The following RHAG variants were observed in gnomAD, a reference collection of about 807,000 sequenced individuals.
RHAG encodes Rh associated glycoprotein, also known as ammonium transporter Rh type A.
A neutral mutation model predicts 42.4 loss-of-function variants in RHAG; 25 were observed. The ratio of observed to expected loss-of-function variants is 0.59; its 90% CI spans 0.43 to 0.82. The LOEUF (loss-of-function observed/expected upper bound fraction) is 0.82. Ranked by LOEUF, RHAG falls within the 40% of genes least tolerant of loss-of-function variation. The pLI is 0.00. For missense variants in RHAG, 483 were observed against 504.6 expected (o/e 0.96, Z 0.41); for synonymous variants, 182 against 177.7 (o/e 1.02, Z -0.19).
In RHAG at chr6:49,634,689, G is replaced by A. The variant is rs547387743; in HGVS notation, c.157+1967C>T. ...CTTGAGAGAGTTGAAGATTGCTTAC[G>A]AGAATTGGTAGCTTAATAAATATTT... On this transcript the variant is annotated intron_variant, in intron 1 of 9. Coordinates refer to ENST00000371175, the MANE Select transcript of RHAG (RefSeq NM_000324.3). Among the ~76,000 whole-genome samples, 76 of 152,098 alleles carry A rather than the reference G, an allele frequency of 5.0e-4. 1 individual carries two copies. Among genetic ancestry groups the A allele is most frequent in the African/African-American group, 1.8e-3 (73 of 41,488 alleles).
At chr6:49,616,810 A>G (rs993647491) in intron 3 of RHAG, among the ~76,000 whole-genome samples, 3 of 152,162 alleles carry the variant, frequency 2.0e-5, no homozygotes, top group African/African-American at 4.8e-5. Flanking sequence ...AGCATATATG[A>G]TCTATCTAGC....
intron 1 of RHAG, among the ~76,000 whole-genome samples, chr6:49,619,652 G>A (rs1246308168): frequency 6.6e-6 from 1 of 152,162 alleles, no homozygotes; most frequent in Non-Finnish European, 1.5e-5. Context: ...TTTTCCACCT[G>A]AGGACAGACT....
intron 1 of RHAG, among the ~76,000 whole-genome samples, chr6:49,623,529 C>T (rs1204592183): frequency 6.6e-6 from 1 of 152,124 alleles, no homozygotes; most frequent in Non-Finnish European, 1.5e-5. Context: ...AATCTTCCAA[C>T]AGGTTTTAAG....
At chr6:49,610,945 A>G in intron 7 of RHAG, 79 bp downstream of exon 7, 1 of 1,576,954 alleles carries the variant, frequency 6.3e-7, no homozygotes, top group Non-Finnish European at 8.7e-7. Flanking sequence ...AACAGCTAAA[A>G]TGAAAACTCT....
rs1459337637 is a variant in RHAG, at chr6:49,617,933, T to G, written c.492+135A>C. The G allele has an allele frequency of 6.6e-6, 5 of 753,676 alleles. No homozygotes were observed. In the East Asian group the frequency reaches 1.1e-4, roughly 16 times the overall value. 46.7% of individuals were successfully genotyped at this position (753,676 alleles called of 1,614,324 possible). A position where few individuals can be genotyped will look rare whatever the true frequency, so the allele number is the denominator to read the frequency against. ...TAGTTTACAGTAGGCACTCAGTAAATGATGGTTATTGTTACTATTTGCTAC... is the reference window on the plus strand; with the variant it reads ...TAGTTTACAGTAGGCACTCAGTAAAGGATGGTTATTGTTACTATTTGCTAC... On this transcript the variant is annotated intron_variant, in intron 3 of 9. Transcript: ENST00000371175.
In RHAG at chr6:49,605,241, T is replaced by G. The variant is rs2127348782; in HGVS notation, c.*572A>C. On this transcript the variant is annotated 3_prime_UTR_variant, in exon 10 of 10. Coordinates refer to ENST00000371175, the MANE Select transcript of RHAG (RefSeq NM_000324.3). ...AAAATAGACTTTGATCAGATAGCAT[T>G]TGAGCTCGTTGCAAATAGTCAACAT... The G allele has an allele frequency of 6.4e-6, 1 of 156,080 alleles. No individual in the cohort carries two copies. Among genetic ancestry groups the G allele is most frequent in the South Asian group, 1.9e-4 (1 of 5,226 alleles). 9.7% of individuals were successfully genotyped at this position (156,080 alleles called of 1,614,324 possible).
At chr6:49,607,896 T>C (rs2127349562) in intron 7 of RHAG, among the ~76,000 whole-genome samples, 1 of 152,210 alleles carries the variant, frequency 6.6e-6, no homozygotes, top group Non-Finnish European at 1.5e-5. Context: ...AATAAAACAA[T>C]TGGAAAATAA....
Position 49,607,363 on chromosome 6 carries a change from T to C in RHAG, c.1068-143A>G, listed in dbSNP as rs191230006. 5.2e-4 allele frequency: 377 copies of C among 723,566 alleles called. 1 individual carries two copies. In the African/African-American group the frequency reaches 6.0e-3, roughly 12 times the overall value. The allele number at this position is 723,566 out of a possible 1,614,324, so 44.8% of individuals were successfully genotyped here. A position where few individuals can be genotyped will look rare whatever the true frequency, so the allele number is the denominator to read the frequency against. ...AGCAAATTAAGCATTTGTTACAATT[T>C]TTCTTTCATATTCTTATTTTCTTTG... On this transcript the variant is annotated intron_variant, in intron 7 of 9. Transcript: ENST00000371175.
At chr6:49,617,445 A>G (rs1223774089) in intron 3 of RHAG, among the ~76,000 whole-genome samples, 1 of 152,196 alleles carries the variant, frequency 6.6e-6, no homozygotes, top group Non-Finnish European at 1.5e-5. Flanking sequence ...ACTAGAGTGT[A>G]AGCTCTATAA....
chr6:49,635,051 A>T (rs1178257812), intron 1 of RHAG, among the ~76,000 whole-genome samples: 10 of 150,982 alleles, frequency 6.6e-5, no homozygotes, highest in Non-Finnish European at 1.3e-4. Context: ...ATATCCACTC[A>T]GCAAATTACA....
At chr6:49,628,235 C>T (rs552232736) in intron 1 of RHAG, among the ~76,000 whole-genome samples, 67 of 152,064 alleles carry the variant, frequency 4.4e-4, no homozygotes, top group African/African-American at 1.6e-3. Flanking sequence ...TAACTCACTA[C>T]AGCCTTGACC....
intron 1 of RHAG, among the ~76,000 whole-genome samples, chr6:49,624,612 G>C (rs1762814164): frequency 6.6e-6 from 1 of 152,182 alleles, no homozygotes; most frequent in African/African-American, 2.4e-5. Flanking sequence ...TGTGTCTTTG[G>C]ATAACCAGTG....
chr6:49,635,967 G>A (rs980987296), intron 1 of RHAG, among the ~76,000 whole-genome samples: 3 of 152,040 alleles, frequency 2.0e-5, no homozygotes, highest in Non-Finnish European at 4.4e-5. Context: ...TTTATAATAA[G>A]GACGCAGTAA....
chr6:49,612,342 T>C (rs1031421545), intron 6 of RHAG, 55 bp downstream of exon 6: 1 of 1,574,430 alleles, frequency 6.4e-7, no homozygotes, highest in Non-Finnish European at 8.7e-7. Flanking sequence ...TGGTGGGACA[T>C]GTGAGAAAAA....
At chr6:49,614,541 ATGT>A (rs1331904017) in intron 5 of RHAG, 143 bp downstream of exon 5, 11 of 808,254 alleles carry the variant, frequency 1.4e-5, no homozygotes, top group East Asian at 4.9e-5. Flanking sequence ...TAATGAATAA[ATGT>A]TGTTGTTTTT....
At chr6:49,611,345 C>T (rs1562012772) in intron 6 of RHAG, among the ~76,000 whole-genome samples, 200 bp from the exon 7 acceptor site, 3 of 152,246 alleles carry the variant, frequency 2.0e-5, no homozygotes, top group East Asian at 1.9e-4. Context: ...AGAATATTAA[C>T]GTCTCCAACA....
At chr6:49,628,158 A>C (rs1266461905) in intron 1 of RHAG, among the ~76,000 whole-genome samples, 1 of 128,358 alleles carries the variant, frequency 7.8e-6, no homozygotes, top group Admixed American at 8.3e-5. Context: ...ACACACACAC[A>C]CACAGAGAGA....
At chr6:49,607,321 G>A (rs1762492750) in intron 7 of RHAG, 101 bp from the exon 8 acceptor site, 2 of 838,854 alleles carry the variant, frequency 2.4e-6, no homozygotes, top group Admixed American at 2.0e-5. Flanking sequence ...TCAGGCCAGA[G>A]TGTAACATTA....
intron 1 of RHAG, among the ~76,000 whole-genome samples, chr6:49,628,766 C>T (rs1206400128): frequency 6.6e-6 from 1 of 151,096 alleles, no homozygotes; most frequent in Non-Finnish European, 1.5e-5. Context: ...GTTCGTTCCT[C>T]CCGGTGGGCT....
Sources: gnomAD v4.1 joint callset for allele counts (sites outside exome capture counted in the v4.1 genomes callset) on GRCh38, gnomAD v4.1.1 for gene constraint, MANE v1.5 for transcripts, NCBI Gene and HGNC (gene_info 2026-07-23, HGNC 2026-07-21) for gene names.